Variants in UBR1 observed in about 807,000 individuals in gnomAD.
UBR1 encodes the protein ubiquitin protein ligase E3 component n-recognin 1.
In UBR1, 102 loss-of-function variants were observed where a neutral mutation model predicts 242.1. That is an observed-to-expected ratio of 0.42 (90% confidence interval 0.36 to 0.50). The LOEUF (loss-of-function observed/expected upper bound fraction) is 0.50, where lower values mean the gene tolerates loss of function less well. Among genes scored for constraint, UBR1 ranks in the 20% least tolerant of loss-of-function variants. The pLI is 0.01. For missense variants in UBR1, 1,772 were observed against 2,101.8 expected, an observed-to-expected ratio of 0.84 and a Z score of 3.07; for synonymous variants, 675 against 684.8, an observed-to-expected ratio of 0.99 and a Z score of 0.22.
intron 44 of UBR1, among the ~76,000 whole-genome samples, chr15:42,953,719 T>G (rs544316128): frequency 6.6e-6 from 1 of 152,242 alleles, no homozygotes; most frequent in South Asian, 2.1e-4. Flanking sequence ...GGTTCTGTCT[T>G]ATGGAAATTG....
intron 13 of UBR1, 100 bp from the exon 14 acceptor site, chr15:43,047,389 A>G: frequency 6.4e-7 from 1 of 1,564,190 alleles, no homozygotes; most frequent in South Asian, 1.1e-5. Flanking sequence ...ACATTTTAAC[A>G]TGGTTGTTAC....
chr15:43,078,815 A>C (rs537695439), intron 3 of UBR1, among the ~76,000 whole-genome samples: 297 of 152,286 alleles, frequency 2.0e-3, no homozygotes, highest in African/African-American at 7.0e-3. Context: ...CAGAAAATTA[A>C]AAAATTAGCC....
At chr15:42,976,602 C>T (rs1219023673) in intron 39 of UBR1, 115 bp downstream of exon 39, 1 of 1,283,668 alleles carries the variant, frequency 7.8e-7, no homozygotes, top group South Asian at 1.3e-5. Flanking sequence ...AATCATTCAA[C>T]AAAAAACATA....
chr15:42,990,246 A>G (rs2032534113), intron 33 of UBR1, 126 bp from the exon 34 acceptor site: 2 of 709,908 alleles, frequency 2.8e-6, no homozygotes, highest in Admixed American at 4.6e-5. Context: ...GCACAGTGGC[A>G]TGATCATCTG....
chr15:43,022,803 T>C lies in UBR1; in HGVS notation c.2740-2A>G. The C allele has an allele frequency of 6.3e-7, 1 of 1,597,828 alleles. No homozygotes were observed. Among genetic ancestry groups the C allele is most frequent in the Non-Finnish European group, 8.6e-7 (1 of 1,166,478 alleles). ...ACCCAATGCCAGAATATGAAAAGCCTGAAGGAGGAAAATAAGAGATCTTTA... is the reference window on the plus strand; with the variant it reads ...ACCCAATGCCAGAATATGAAAAGCCCGAAGGAGGAAAATAAGAGATCTTTA... On this transcript the variant is annotated splice_acceptor_variant, in intron 25 of 46. Transcript: ENST00000290650. LOFTEE classifies it high-confidence loss of function.
At chr15:43,073,857 A>G (rs1438399236) in intron 4 of UBR1, among the ~76,000 whole-genome samples, 1 of 152,168 alleles carries the variant, frequency 6.6e-6, no homozygotes, top group East Asian at 1.9e-4. Context: ...AACAAGAAAT[A>G]CCTTATTGCT....
chr15:42,999,093 A>T (rs1276000723), intron 32 of UBR1, among the ~76,000 whole-genome samples: 1 of 151,944 alleles, frequency 6.6e-6, no homozygotes, highest in African/African-American at 2.4e-5. Flanking sequence ...AGTGCCTGCC[A>T]CCACGCCCAG....
chr15:43,047,446 C>T (rs2033499863), intron 13 of UBR1, among the ~76,000 whole-genome samples, 157 bp from the exon 14 acceptor site: 1 of 152,202 alleles, frequency 6.6e-6, no homozygotes, highest in South Asian at 2.1e-4. Context: ...CAGGTATGTG[C>T]TCAGGGTTAG....
At chr15:43,069,888 C>T (rs1170439898) in intron 5 of UBR1, among the ~76,000 whole-genome samples, 1 of 152,182 alleles carries the variant, frequency 6.6e-6, no homozygotes, top group African/African-American at 2.4e-5. Flanking sequence ...CTGACATTAA[C>T]ACCTGTTGGA....
intron 33 of UBR1, among the ~76,000 whole-genome samples, chr15:42,992,940 C>A (rs1350334705): frequency 5.3e-5 from 8 of 152,236 alleles, no homozygotes; most frequent in Non-Finnish European, 1.5e-5. Context: ...CAGTTCCTCA[C>A]CACAGAGACT....
At chr15:43,104,630 G>T in intron 1 of UBR1, among the ~76,000 whole-genome samples, 1 of 151,852 alleles carries the variant, frequency 6.6e-6, no homozygotes, top group Non-Finnish European at 1.5e-5. Context: ...CCCTGGAGTT[G>T]ACTCATGCCG....
intron 3 of UBR1, among the ~76,000 whole-genome samples, chr15:43,076,112 T>C (rs1332027796): frequency 1.3e-5 from 2 of 151,102 alleles, no homozygotes; most frequent in East Asian, 3.9e-4. Flanking sequence ...GTGCCTGCGA[T>C]TGCAGGCGCG....
intron 44 of UBR1, among the ~76,000 whole-genome samples, chr15:42,957,287 A>G (rs2031936951): frequency 6.6e-6 from 1 of 152,236 alleles, no homozygotes; most frequent in Non-Finnish European, 1.5e-5. Context: ...CATATATTGT[A>G]TCATTCCTTT....
At chr15:43,105,796 CT>C (rs2034289429) in intron 1 of UBR1, 145 bp downstream of exon 1, 3 of 755,460 alleles carry the variant, frequency 4.0e-6, no homozygotes, top group Non-Finnish European at 6.7e-6. Flanking sequence ...TTGCGACTAA[CT>C]TTTTATTCGG....
chr15:42,972,937 T>G (rs910178672), intron 39 of UBR1, among the ~76,000 whole-genome samples: 35 of 152,326 alleles, frequency 2.3e-4, no homozygotes, highest in African/African-American at 8.4e-4. Context: ...TCTTCCAAAG[T>G]GACTGTACCT....
intron 24 of UBR1, 136 bp from the exon 25 acceptor site, chr15:43,025,119 C>T (rs1193421804): frequency 1.8e-6 from 2 of 1,135,466 alleles, no homozygotes; most frequent in African/African-American, 3.1e-5. Context: ...TGCTACCTTT[C>T]CAGTACTGAA....
chr15:42,993,667 T>C (rs1265967851), intron 33 of UBR1, among the ~76,000 whole-genome samples: 1 of 151,988 alleles, frequency 6.6e-6, no homozygotes, highest in Non-Finnish European at 1.5e-5. Flanking sequence ...TGCACCCAGC[T>C]TGAAATGTCT....
At chr15:42,968,682 C>T (rs952582091) in intron 40 of UBR1, among the ~76,000 whole-genome samples, 5 of 152,066 alleles carry the variant, frequency 3.3e-5, no homozygotes, top group Non-Finnish European at 7.4e-5. Context: ...TTCCCCCAGC[C>T]CCTGACAGGC....
chr15:42,978,814 C>G (rs1472852897), intron 37 of UBR1, among the ~76,000 whole-genome samples: 1 of 150,908 alleles, frequency 6.6e-6, no homozygotes, highest in Non-Finnish European at 1.5e-5. Flanking sequence ...CCGCAACCTC[C>G]GCCTCCCAGG....
Sources: gnomAD v4.1 joint callset for allele counts (sites outside exome capture counted in the v4.1 genomes callset) on GRCh38, gnomAD v4.1.1 for gene constraint, MANE v1.5 for transcripts, NCBI Gene and HGNC (gene_info 2026-07-23, HGNC 2026-07-21) for gene names.